ANKRD11: variants seen among roughly 807,000 people sequenced by gnomAD.
The protein encoded by ANKRD11 is ankyrin repeat domain 11.
Under a neutral mutation model 195.7 loss-of-function variants are expected in ANKRD11, and 17 were observed. That is an observed-to-expected ratio of 0.09 (90% confidence interval 0.06 to 0.13). The LOEUF is 0.13. Among genes scored for constraint, ANKRD11 ranks in the 10% least tolerant of loss-of-function variants. The pLI, the probability that ANKRD11 is intolerant of heterozygous loss-of-function variation, is 1.00. For synonymous variants in ANKRD11, 1,953 were observed against 1,528.1 expected (o/e 1.28, Z -6.49); for missense variants, 3,735 against 3,566.1 (o/e 1.05, Z -1.21).
Position 89,286,733 on chromosome 16 carries a change from G to C in ANKRD11, c.745-547C>G, listed in dbSNP as rs1420433200. The C allele has an allele frequency of 3.1e-6, 4 of 1,284,794 alleles. No homozygotes were observed. The Admixed American group carries it at 6.9e-5, about 22-fold the overall frequency. 79.6% of individuals were successfully genotyped at this position (1,284,794 alleles called of 1,614,324 possible). A position where few individuals can be genotyped will look rare whatever the true frequency, so the allele number is the denominator to read the frequency against. ...ATCTCTCCCTTGCTTGATTTTACAA[G>C]GGTAAGGGTGGTCACATGACTGACA... On this transcript the variant is annotated intron_variant, in intron 7 of 12. Coordinates refer to ENST00000301030, the MANE Select transcript of ANKRD11 (RefSeq NM_013275.6).
intron 2 of ANKRD11, among the ~76,000 whole-genome samples, chr16:89,317,708 C>T (rs2037050571): frequency 6.6e-6 from 1 of 152,220 alleles, no homozygotes; most frequent in Non-Finnish European, 1.5e-5. Flanking sequence ...GGCTCCAGCT[C>T]CTGGGTTTCC....
chr16:89,409,353 C>CTG (rs1340175050), intron 2 of ANKRD11, among the ~76,000 whole-genome samples: 2 of 152,208 alleles, frequency 1.3e-5, no homozygotes, highest in African/African-American at 4.8e-5. Context: ...CAAGATCCAC[C>CTG]TATCAACAGG....
intron 3 of ANKRD11, among the ~76,000 whole-genome samples, chr16:89,315,621 G>A (rs1417778012): frequency 6.6e-6 from 1 of 152,256 alleles, no homozygotes; most frequent in Non-Finnish European, 1.5e-5. Context: ...GCAAGCCATG[G>A]AACCCACCCA....
At chr16:89,432,170 TCA>T (rs1300527945) in intron 1 of ANKRD11, among the ~76,000 whole-genome samples, 1 of 151,826 alleles carries the variant, frequency 6.6e-6, no homozygotes, top group East Asian at 1.9e-4. Flanking sequence ...TATTTACACC[TCA>T]GTCTGGTGTG....
chr16:89,399,661 G>A (rs1006924657), intron 2 of ANKRD11, among the ~76,000 whole-genome samples: 4 of 152,212 alleles, frequency 2.6e-5, no homozygotes, highest in Admixed American at 2.6e-4. Context: ...CGGCCTGTGG[G>A]TGATGATGAC....
intron 2 of ANKRD11, among the ~76,000 whole-genome samples, chr16:89,363,534 A>G (rs2039821446): frequency 6.6e-6 from 1 of 152,228 alleles, no homozygotes; most frequent in Non-Finnish European, 1.5e-5. Context: ...CAAGGGGGAA[A>G]AAAAACCTTA....
intron 3 of ANKRD11, among the ~76,000 whole-genome samples, chr16:89,315,001 G>A (rs987333747): frequency 6.6e-6 from 1 of 152,188 alleles, no homozygotes; most frequent in African/African-American, 2.4e-5. Context: ...CAGAAGCCAA[G>A]CAGCCCTTTC....
At chr16:89,388,382 G>A (rs2152120019) in intron 2 of ANKRD11, among the ~76,000 whole-genome samples, 1 of 144,062 alleles carries the variant, frequency 6.9e-6, no homozygotes, top group South Asian at 2.2e-4. Context: ...TGCCCGCCTT[G>A]GCCTCCCAAA....
At chr16:89,412,741 T>C (rs185553218) in intron 2 of ANKRD11, among the ~76,000 whole-genome samples, 3 of 151,872 alleles carry the variant, frequency 2.0e-5, no homozygotes, top group Admixed American at 1.3e-4. Context: ...CTGTAAAAAA[T>C]GATGGTATTA....
At chr16:89,427,292 T>C (rs755706486) in intron 1 of ANKRD11, among the ~76,000 whole-genome samples, 1 of 152,128 alleles carries the variant, frequency 6.6e-6, no homozygotes, top group Non-Finnish European at 1.5e-5. Flanking sequence ...AAAAATCCCA[T>C]ATTCATGGAT....
At chr16:89,452,779 CAAAAA>C (rs11401095) in intron 1 of ANKRD11, among the ~76,000 whole-genome samples, 6 of 73,486 alleles carry the variant, frequency 8.2e-5, no homozygotes, top group East Asian at 4.1e-4. Context: ...GACTCTATCT[CAAAAA>C]AAAAAAAAAA....
chr16:89,385,489 G>A (rs2040868038), intron 2 of ANKRD11, among the ~76,000 whole-genome samples: 1 of 152,142 alleles, frequency 6.6e-6, no homozygotes, highest in Non-Finnish European at 1.5e-5. Context: ...GCACCGGGCA[G>A]AGGGAAGGGC....
At chr16:89,402,679 G>T (rs1422437533) in intron 2 of ANKRD11, among the ~76,000 whole-genome samples, 3 of 149,324 alleles carry the variant, frequency 2.0e-5, no homozygotes, top group Non-Finnish European at 3.0e-5. Context: ...GGGTGGTTCT[G>T]CGGGAGGAGG....
intron 2 of ANKRD11, among the ~76,000 whole-genome samples, chr16:89,389,741 G>A (rs997939734): frequency 3.3e-5 from 5 of 151,578 alleles, no homozygotes; most frequent in African/African-American, 7.3e-5. Flanking sequence ...GGCAAACACC[G>A]AGTGTGGCGG....
chr16:89,426,591 G>A (rs2042727428), intron 1 of ANKRD11, among the ~76,000 whole-genome samples: 1 of 149,462 alleles, frequency 6.7e-6, no homozygotes, highest in African/African-American at 2.5e-5. Context: ...GACCAATGAA[G>A]ACATAAGACC....
At chr16:89,343,898 G>C (rs539621704) in intron 2 of ANKRD11, 25 of 152,278 alleles carry the variant, frequency 1.6e-4, no homozygotes, top group Non-Finnish European at 2.6e-4. Flanking sequence ...GGAAAACGAA[G>C]GCACGTTGGA....
chr16:89,432,275 A>ACC (rs1555576966), intron 1 of ANKRD11, among the ~76,000 whole-genome samples: 1 of 130,102 alleles, frequency 7.7e-6, no homozygotes, highest in African/African-American at 2.9e-5. Context: ...ACACACACAC[A>ACC]CACCCCTGGA....
chr16:89,332,550 T>A (rs2038122114), intron 2 of ANKRD11, among the ~76,000 whole-genome samples: 1 of 152,172 alleles, frequency 6.6e-6, no homozygotes, highest in Admixed American at 6.5e-5. Context: ...CTCTATAAAA[T>A]GAGGACAAGA....
chr16:89,486,121 C>T (rs2057604953), intron 1 of ANKRD11, among the ~76,000 whole-genome samples: 1 of 152,090 alleles, frequency 6.6e-6, no homozygotes, highest in Non-Finnish European at 1.5e-5. Flanking sequence ...AACTGTCTTC[C>T]CACCTTTATC....
Sources: allele counts gnomAD v4.1 joint callset (sites outside exome capture counted in the v4.1 genomes callset), GRCh38; gene constraint gnomAD v4.1.1; transcripts MANE v1.5; gene names NCBI Gene and HGNC (gene_info 2026-07-23, HGNC 2026-07-21).